The following CNOT2 variants were observed in gnomAD, a reference collection of about 807,000 sequenced individuals.
The protein encoded by CNOT2 is CCR4-NOT transcription complex subunit 2.
In CNOT2, 7 loss-of-function variants were observed where a neutral mutation model predicts 72.1. The ratio of observed to expected loss-of-function variants is 0.10; its 90% CI spans 0.06 to 0.18. CNOT2 has a LOEUF of 0.18. CNOT2 is among the 10% of genes least tolerant of loss of function. The pLI, the probability that CNOT2 is intolerant of heterozygous loss-of-function variation, is 1.00. For synonymous variants in CNOT2, 196 were observed against 225.6 expected, an observed-to-expected ratio of 0.87 and a Z score of 1.17; for missense variants, 345 against 660.3, an observed-to-expected ratio of 0.52 and a Z score of 5.23.
intron 9 of CNOT2, chr12:70,337,885 T>C (rs1880911774): frequency 2.6e-6 from 1 of 378,508 alleles, no homozygotes; most frequent in Non-Finnish European, 5.0e-6. Context: ...CCAACTCAGC[T>C]TCTTCTTTCT....
chr12:70,348,388 T>G (rs1882466078), intron 15 of CNOT2, among the ~76,000 whole-genome samples: 1 of 152,188 alleles, frequency 6.6e-6, no homozygotes, highest in Non-Finnish European at 1.5e-5. Context: ...GAATTGCATT[T>G]CTAACAAGCT....
intron 1 of CNOT2, among the ~76,000 whole-genome samples, chr12:70,273,313 C>G (rs1276757670): frequency 6.7e-6 from 1 of 148,966 alleles, no homozygotes; most frequent in African/African-American, 2.5e-5. Context: ...TAATTCTCAT[C>G]TTTTTTTTTT....
chr12:70,312,558 C>G (rs1303210388), intron 3 of CNOT2, among the ~76,000 whole-genome samples: 1 of 151,914 alleles, frequency 6.6e-6, no homozygotes, highest in Non-Finnish European at 1.5e-5. Flanking sequence ...CACATACTCA[C>G]AAATGTTGGC....
At chr12:70,302,521 A>C (rs144458416) in intron 2 of CNOT2, among the ~76,000 whole-genome samples, 32 of 150,290 alleles carry the variant, frequency 2.1e-4, no homozygotes, top group Admixed American at 6.7e-4. Flanking sequence ...TGTAGTTGAG[A>C]GGTTTTGAGT....
In CNOT2 at chr12:70,291,676, G is replaced by A. The variant is rs564791704; in HGVS notation, c.48+13402G>A. ...TGGTAGGCCAGGCGTGGTGGCTCAC[G>A]CCTCTAATCCCAGCACTTTGGGAGG... On this transcript the variant is annotated intron_variant, in intron 2 of 15. Transcript: ENST00000229195. 3.3e-5 allele frequency among the ~76,000 whole-genome samples: 5 copies of A among 152,110 alleles called. No homozygotes were observed. In the East Asian group the frequency reaches 9.7e-4, roughly 29 times the overall value.
At chr12:70,326,465 T>C (rs1879096939) in intron 4 of CNOT2, among the ~76,000 whole-genome samples, 1 of 150,964 alleles carries the variant, frequency 6.6e-6, no homozygotes, top group Admixed American at 6.7e-5. Flanking sequence ...TTTTTTTTTC[T>C]TTTTTTCAGC....
intron 2 of CNOT2, among the ~76,000 whole-genome samples, chr12:70,284,467 A>G (rs1340464570): frequency 6.6e-6 from 1 of 151,974 alleles, no homozygotes; most frequent in East Asian, 1.9e-4. Context: ...GCTAGTCTCA[A>G]ACTCCTGACC....
chr12:70,286,814 G>C (rs1055972420), intron 2 of CNOT2, among the ~76,000 whole-genome samples: 1 of 150,184 alleles, frequency 6.7e-6, no homozygotes, highest in Non-Finnish European at 1.5e-5. Flanking sequence ...TTTTCTTTGT[G>C]GAAGAATCGA....
At chr12:70,282,908 G>T (rs1458671859) in intron 2 of CNOT2, among the ~76,000 whole-genome samples, 1 of 152,058 alleles carries the variant, frequency 6.6e-6, no homozygotes, top group Admixed American at 6.5e-5. Context: ...CAATTTCCTA[G>T]ATATAGCTAA....
intron 1 of CNOT2, among the ~76,000 whole-genome samples, chr12:70,272,417 A>G (rs1348117531): frequency 6.6e-6 from 1 of 152,200 alleles, no homozygotes; most frequent in Non-Finnish European, 1.5e-5. Context: ...AGATCGTTGA[A>G]AAGGAGCAGC....
At chr12:70,348,690 C>G (rs1173418082) in intron 15 of CNOT2, among the ~76,000 whole-genome samples, 2 of 152,000 alleles carry the variant, frequency 1.3e-5, no homozygotes, top group Admixed American at 6.6e-5. Context: ...GTGAGAAAAT[C>G]AGCTTTCCAG....
chr12:70,320,919 T>C (rs1303093085), intron 4 of CNOT2, among the ~76,000 whole-genome samples: 3 of 151,842 alleles, frequency 2.0e-5, no homozygotes, highest in Non-Finnish European at 2.9e-5. Flanking sequence ...CTAACTGGGC[T>C]AAGATATGGA....
At chr12:70,251,809 T>TC (rs1313699065) in intron 1 of CNOT2, among the ~76,000 whole-genome samples, 1 of 152,228 alleles carries the variant, frequency 6.6e-6, no homozygotes, top group African/African-American at 2.4e-5. Flanking sequence ...TGCCAACTGT[T>TC]CAAGATTTTT....
chr12:70,246,860 T>C (rs1957897384), intron 1 of CNOT2, among the ~76,000 whole-genome samples: 1 of 152,238 alleles, frequency 6.6e-6, no homozygotes, highest in Admixed American at 6.5e-5. Flanking sequence ...TACTGTGTTT[T>C]CTGAGAGCTT....
intron 2 of CNOT2, chr12:70,294,358 T>C: frequency 8.8e-7 from 1 of 1,133,228 alleles, no homozygotes; most frequent in South Asian, 1.3e-5. Flanking sequence ...TGAGGGTGGA[T>C]GTTGGGCCAT....
Position 70,256,953 on chromosome 12 carries a change from G to A in CNOT2, c.-96+13473G>A, listed in dbSNP as rs117660223. On this transcript the variant is annotated intron_variant, in intron 1 of 15. Transcript: ENST00000229195. ...AAACTGACACCATAAGCATTTTCCA[G>A]TGTCATATATTTATCCAAAACAGGA... 3.4e-3 allele frequency among the ~76,000 whole-genome samples: 515 copies of A among 152,264 alleles called. 2 individuals are homozygous for A. The highest frequency in any genetic ancestry group is 5.1e-3 in the Non-Finnish European group (344 of 68,022).
At chr12:70,330,939 C>T (rs191028811) in intron 6 of CNOT2, 1 of 152,282 alleles carries the variant, frequency 6.6e-6, no homozygotes, top group African/African-American at 2.4e-5. Context: ...TATTTGAAAA[C>T]CGTATCATGT....
At chr12:70,314,868 T>G (rs963566855) in intron 3 of CNOT2, among the ~76,000 whole-genome samples, 6 of 149,494 alleles carry the variant, frequency 4.0e-5, no homozygotes, top group African/African-American at 1.5e-4. Context: ...TTGTTTGTTT[T>G]GGGGGATATT....
chr12:70,317,358 C>T (rs1238851055), intron 3 of CNOT2, among the ~76,000 whole-genome samples: 1 of 151,992 alleles, frequency 6.6e-6, no homozygotes, highest in Non-Finnish European at 1.5e-5. Context: ...CTTCTGTGAT[C>T]AACTAAAGCT....
Sources: gnomAD v4.1 joint callset for allele counts (sites outside exome capture counted in the v4.1 genomes callset) on GRCh38, gnomAD v4.1.1 for gene constraint, MANE v1.5 for transcripts, NCBI Gene and HGNC (gene_info 2026-07-23, HGNC 2026-07-21) for gene names.